The following SMPD2 variants were observed in gnomAD, a reference collection of about 807,000 sequenced individuals.
SMPD2 encodes sphingomyelin phosphodiesterase 2.
A neutral mutation model predicts 41.7 loss-of-function variants in SMPD2; 35 were observed. The observed-to-expected ratio is 0.84, with a 90% CI of 0.64 to 1.11. SMPD2 has a LOEUF of 1.11. Among genes scored for constraint, SMPD2 ranks in the 50% most tolerant of loss-of-function variants. The pLI, the probability that SMPD2 is intolerant of heterozygous loss-of-function variation, is 0.00. For missense variants in SMPD2, 520 were observed against 524.8 expected, an observed-to-expected ratio of 0.99 and a Z score of 0.09; for synonymous variants, 201 against 208.2, an observed-to-expected ratio of 0.97 and a Z score of 0.30.
intron 5 of SMPD2, 62 bp downstream of exon 5, chr6:109,442,361 G>A: frequency 6.6e-7 from 1 of 1,507,806 alleles, no homozygotes; most frequent in Non-Finnish European, 9.2e-7. Context: ...ACAGAGAGAT[G>A]GTACTTCTCT....
At chr6:109,443,211 T>G in intron 8 of SMPD2, 56 bp from the exon 9 acceptor site, 1 of 1,601,018 alleles carries the variant, frequency 6.2e-7, no homozygotes, top group Non-Finnish European at 8.5e-7. Flanking sequence ...CGGGAGCTGG[T>G]TCTCTGGGAA....
Position 109,443,660 on chromosome 6 carries a change from G to A in SMPD2, c.1027G>A (p.Val343Ile). 3 of 1,613,286 alleles carry A rather than the reference G, an allele frequency of 1.9e-6. No individual in the cohort carries two copies. The highest frequency in any genetic ancestry group is 2.5e-6 in the Non-Finnish European group (3 of 1,179,900). ...LGLLLLALLC[V>I]LAAGGGAGEA... ...GCTGCTTCTCCTGGCACTGCTGTGTGTCCTGGCGGCTGGAGGAGGGGCCGG... is the reference window on the plus strand; with the variant it reads ...GCTGCTTCTCCTGGCACTGCTGTGTATCCTGGCGGCTGGAGGAGGGGCCGG... The change falls in exon 10 of 10, where the codon GTC becomes ATC. Residue 343 changes from valine (V) to isoleucine (I), a missense_variant. Transcript: ENST00000258052.
chr6:109,441,941 T>G, intron 3 of SMPD2, 33 bp from the exon 4 acceptor site: 1 of 1,600,406 alleles, frequency 6.2e-7, no homozygotes, highest in Non-Finnish European at 8.6e-7. Context: ...CTCTCCCTGT[T>G]TTTCTGGTTA....
At chr6:109,441,219 C>G in intron 1 of SMPD2, 48 bp downstream of exon 1, 1 of 1,608,388 alleles carries the variant, frequency 6.2e-7, no homozygotes, top group East Asian at 2.2e-5. Flanking sequence ...TCCGTTCGCA[C>G]CCATGCAGCC....
At chr6:109,442,651 G>A (rs879055351) in intron 6 of SMPD2, 26 bp downstream of exon 6, 2 of 1,614,202 alleles carry the variant, frequency 1.2e-6, no homozygotes, top group South Asian at 2.2e-5. Context: ...CTTGAAATGG[G>A]AAGTGGGATG....
intron 5 of SMPD2, 65 bp from the exon 6 acceptor site, chr6:109,442,478 C>T: frequency 6.8e-7 from 1 of 1,469,902 alleles, no homozygotes; most frequent in South Asian, 1.2e-5. Flanking sequence ...CAGACACAGG[C>T]TTGATTCAGA....
Position 109,442,832 on chromosome 6 carries a change from T to C in SMPD2, c.572T>C (p.Leu191Pro), listed in dbSNP as rs766537434. 6.2e-7 allele frequency: 1 copy of C among 1,614,148 alleles called. No homozygotes were observed. Among genetic ancestry groups the C allele is most frequent in the Non-Finnish European group, 8.5e-7 (1 of 1,180,014 alleles). Residue 191 changes from leucine to proline, a missense_variant, in exon 7 of 10, where the codon CTG (leucine) becomes CCG (proline). Coordinates refer to ENST00000258052, the MANE Select transcript of SMPD2 (RefSeq NM_003080.3). ...CCAGAAGACCTGGGCTGCTGCCTGC[T>C]GAAGGAGTGGACAGGGCTTCATGAT... ...MHPEDLGCCL[L>P]KEWTGLHDAY...
At chr6:109,441,826 C>T in intron 3 of SMPD2, 148 bp from the exon 4 acceptor site, 2 of 908,586 alleles carry the variant, frequency 2.2e-6, no homozygotes, top group South Asian at 1.4e-5. Flanking sequence ...CCCTATACTC[C>T]TCCAAAGGCT....
In SMPD2 at chr6:109,443,782, T is replaced by A; in HGVS notation, c.1149T>A (p.Tyr383Ter). 6.2e-7 allele frequency: 1 copy of A among 1,614,142 alleles called. No homozygotes were observed. The highest frequency in any genetic ancestry group is 8.5e-7 in the Non-Finnish European group (1 of 1,180,010). The change falls in exon 10 of 10, where the codon TAT (tyrosine) becomes TAA (stop). Residue 383 changes from tyrosine (Y) to a stop codon, truncating the protein, a stop_gained. Transcript: ENST00000258052. LOFTEE classifies it low-confidence loss of function (END_TRUNC). Reference protein sequence around the residue: ...LFHVQEVNGLYRAQAELQHVL... With the variant: ...LFHVQEVNGL ...ACGTACAGGAGGTCAATGGCTTATA[T>A]AGGGCCCAGGCTGAGCTCCAGCATG...
intron 1 of SMPD2, 75 bp downstream of exon 1, chr6:109,441,246 G>GC: frequency 2.5e-6 from 4 of 1,593,996 alleles, no homozygotes; most frequent in Non-Finnish European, 3.4e-6. Context: ...CCCCTATCCC[G>GC]CCCCACGATC....
rs767361502 is a variant in SMPD2 at position 109,442,783 on chromosome 6, T to C, written c.523T>C (p.Leu175=). 5.0e-6 allele frequency: 8 copies of C among 1,614,024 alleles called. No homozygotes were observed. The highest frequency in any genetic ancestry group is 6.8e-6 in the Non-Finnish European group (8 of 1,180,030). The change falls in exon 7 of 10, where the codon TTG becomes CTG. Residue 175 remains leucine, a synonymous_variant. Coordinates refer to ENST00000258052, the MANE Select transcript of SMPD2 (RefSeq NM_003080.3). ...HTSKKADVVL[L]CGDLNMHPED... is the part of the protein sequence containing the mutation. ...ATCCAAGAAGGCAGACGTGGTTCTG[T>C]TGTGTGGAGACCTCAACATGCACCC...
rs1471354536 is a variant in SMPD2, at chr6:109,443,696, A to G, written c.1063A>G (p.Ile355Val). The G allele has an allele frequency of 3.7e-6, 6 of 1,613,982 alleles. No homozygotes were observed. Among genetic ancestry groups the G allele is most frequent in the South Asian group, 2.2e-5 (2 of 91,086 alleles). The change falls in exon 10 of 10, where the codon ATA (isoleucine) becomes GTA (valine). Residue 355 changes from isoleucine to valine, a missense_variant. Ile to Val is a conservative substitution (Grantham distance 29). Transcript: ENST00000258052. ...AAGGGAGEAAILLWTPSVGLV... is the reference protein window; with the variant it reads ...AAGGGAGEAAVLLWTPSVGLV... ...TGGAGGAGGGGCCGGGGAAGCTGCC[A>G]TACTGCTCTGGACCCCCAGTGTAGG...
chr6:109,442,227 G>A lies in SMPD2; in HGVS notation c.336G>A (p.Trp112Ter), dbSNP rs1273058423. The A allele has an allele frequency of 3.1e-6, 5 of 1,614,232 alleles. No individual in the cohort carries two copies. Among genetic ancestry groups the A allele is most frequent in the Non-Finnish European group, 4.2e-6 (5 of 1,180,042 alleles). ...GYPYMIHHGD[W>*]FSGKAVGLLV... The stretch of plus-strand genomic sequence containing the variant: ...GCCTGCAGATCCATCATGGTGACTG[G>A]TTCAGTGGGAAGGCTGTGGGGCTGC... Residue 112 changes from tryptophan (W) to a stop codon, truncating the protein, a stop_gained, in exon 5 of 10, where the codon TGG becomes TGA. Transcript: ENST00000258052. LOFTEE classifies it high-confidence loss of function.
At chr6:109,441,838 T>C (rs1774906545) in intron 3 of SMPD2, 136 bp from the exon 4 acceptor site, 1 of 936,438 alleles carries the variant, frequency 1.1e-6, no homozygotes, top group Non-Finnish European at 1.7e-6. Context: ...CCAAAGGCTG[T>C]CGCCTTGGTT....
At position 109,441,104 on chromosome 6, in the gene SMPD2, C is replaced by A; in HGVS notation, c.-18C>A. ...CTGGAGAGTTCGAGCCGCCTAGCGC[C>A]CCTGGAGCTCCCCAACCATGAAGCC... On this transcript the variant is annotated 5_prime_UTR_variant, in exon 1 of 10. Coordinates refer to ENST00000258052, the MANE Select transcript of SMPD2 (RefSeq NM_003080.3). 5 of 1,614,090 alleles carry A rather than the reference C, an allele frequency of 3.1e-6. No homozygotes were observed. Among genetic ancestry groups the A allele is most frequent in the Non-Finnish European group, 4.2e-6 (5 of 1,179,962 alleles).
In SMPD2 at chr6:109,443,070, G is replaced by A. The variant is rs142939267; in HGVS notation, c.718G>A (p.Val240Met). 6.0e-5 allele frequency: 97 copies of A among 1,613,640 alleles called. No homozygotes were observed. The highest frequency in any genetic ancestry group is 4.6e-5 in the Non-Finnish European group (54 of 1,179,664). Residue 240 changes from valine (V) to methionine (M), a missense_variant, in exon 8 of 10, where the codon GTG becomes ATG. Val to Met is a conservative substitution (Grantham distance 21). Coordinates refer to ENST00000258052, the MANE Select transcript of SMPD2 (RefSeq NM_003080.3). ...PFPFGVRIDY[V>M]LYKAVSGFYI... Reference sequence around the variant, plus strand: ...TCCCTTTGGTGTCCGCATTGACTACGTGCTTTACAAGGTCAGGCTCCTCCC... The same window carrying A: ...TCCCTTTGGTGTCCGCATTGACTACATGCTTTACAAGGTCAGGCTCCTCCC...
At chr6:109,443,484 T>C (rs770024016) in intron 9 of SMPD2, 33 bp from the exon 10 acceptor site, 1 of 1,608,470 alleles carries the variant, frequency 6.2e-7, no homozygotes, top group South Asian at 1.1e-5. Flanking sequence ...CACTCTTGAC[T>C]CTCTCCTGCC....
chr6:109,441,778 C>A, intron 3 of SMPD2, 150 bp downstream of exon 3: 1 of 919,998 alleles, frequency 1.1e-6, no homozygotes. Context: ...CAAGAAGGTC[C>A]TATGACTTCA....
rs371402768 is a variant in SMPD2, at chr6:109,442,701, G to A, written c.492-51G>A. ...AGGGTGAACAAGGCCCCAGTCATGG[G>A]GAAGAGCTGGTGATGGAAGAACTCC... On this transcript the variant is annotated intron_variant, in intron 6 of 9. Transcript: ENST00000258052. 1.7e-5 allele frequency: 28 copies of A among 1,613,942 alleles called. No homozygotes were observed. In the African/African-American group the frequency reaches 3.6e-4, roughly 21 times the overall value.
Sources: gnomAD v4.1 joint callset for allele counts on GRCh38, gnomAD v4.1.1 for gene constraint, MANE v1.5 for transcripts, NCBI Gene and HGNC (gene_info 2026-07-23, HGNC 2026-07-21) for gene names.